The following EFNB1 variants were observed in gnomAD, a reference collection of about 807,000 sequenced individuals.
EFNB1 encodes ephrin-B1.
In EFNB1, 1 loss-of-function variant was observed where a neutral mutation model predicts 18.1. The ratio of observed to expected loss-of-function variants is 0.06; its 90% CI spans 0.02 to 0.26. The LOEUF is 0.26. Among genes scored for constraint, EFNB1 ranks in the 10% least tolerant of loss-of-function variants. The probability of loss-of-function intolerance (pLI) is 1.00; values close to 1 mark genes in which losing one functional copy is unlikely to be tolerated. For missense variants in EFNB1, 221 were observed against 301.8 expected, an observed-to-expected ratio of 0.73 and a Z score of 1.98; for synonymous variants, 131 against 127.5, an observed-to-expected ratio of 1.03 and a Z score of -0.19.
chrX:68,832,626 G>A (rs1306907539), intron 1 of EFNB1, among the ~76,000 whole-genome samples: 2 of 111,775 alleles, frequency 1.8e-5, no homozygotes, highest in Non-Finnish European at 3.8e-5. Context: ...GGGGAAGCGG[G>A]AATGGCTGGC....
At chrX:68,837,644 A>G (rs1173910012) in intron 1 of EFNB1, among the ~76,000 whole-genome samples, 1 of 111,337 alleles carries the variant, frequency 9.0e-6, no homozygotes, top group African/African-American at 3.3e-5. Flanking sequence ...TGGGCTGCTG[A>G]CCCTCCCTGC....
chrX:68,834,782 C>T lies in EFNB1; in HGVS notation c.129-3835C>T, dbSNP rs773464864. Among the ~76,000 whole-genome samples, 6 of 112,451 alleles carry T rather than the reference C, an allele frequency of 5.3e-5. 1 individual carries two copies. Among genetic ancestry groups the T allele is most frequent in the African/African-American group, 1.9e-4 (6 of 30,942 alleles). On this transcript the variant is annotated intron_variant, in intron 1 of 4. Coordinates refer to ENST00000204961, the MANE Select transcript of EFNB1 (RefSeq NM_004429.5). ...GCTTGCATGGCCTAGAACCAGGCTC[C>T]CCCTTTGGTCATTCTCTGACCACAA...
At position 68,840,858 on chromosome X, in the gene EFNB1, C is replaced by CT; in HGVS notation, c.*206dup. The CT allele has an allele frequency of 2.1e-6, 1 of 466,125 alleles. No homozygotes were observed. The highest frequency in any genetic ancestry group is 3.7e-6 in the Non-Finnish European group (1 of 273,073). The allele number at this position is 466,125 out of a possible 1,213,427, so 38.4% of individuals were successfully genotyped here. A position where few individuals can be genotyped will look rare whatever the true frequency, so the allele number is the denominator to read the frequency against. On this transcript the variant is annotated 3_prime_UTR_variant, in exon 5 of 5. Transcript: ENST00000204961. ...GCCCCTAACCCCCATGCTCTTGTGC[C>CT]TTCCCCCTCTGGCCAGGCCTCTGGG...
Position 68,841,739 on chromosome X carries a change from C to G in EFNB1, c.*1085C>G, listed in dbSNP as rs969826458. The G allele has an allele frequency of 1.8e-5, 2 of 113,811 alleles. No individual in the cohort carries two copies. The highest frequency in any genetic ancestry group is 6.4e-5 in the African/African-American group (2 of 31,245). The allele number at this position is 113,811 out of a possible 1,213,427, so 9.4% of individuals were successfully genotyped here. A position where few individuals can be genotyped will look rare whatever the true frequency, so the allele number is the denominator to read the frequency against. On this transcript the variant is annotated 3_prime_UTR_variant, in exon 5 of 5. Transcript: ENST00000204961. ...CACCCAACCCAGCTCCTGCTGCTGT[C>G]CCAGTCTTGGGCTGGGGCCTGGAAA...
chrX:68,832,366 G>A (rs1290217560), intron 1 of EFNB1, among the ~76,000 whole-genome samples: 1 of 110,032 alleles, frequency 9.1e-6, no homozygotes, highest in Admixed American at 9.7e-5. Flanking sequence ...GCACATGCCC[G>A]TGCTCTCCCT....
At position 68,829,647 on chromosome X, in the gene EFNB1, C is replaced by G. The variant is rs1194565880; in HGVS notation, c.-130C>G. The G allele has an allele frequency of 2.8e-6, 3 of 1,059,309 alleles. No homozygotes were observed. The highest frequency in any genetic ancestry group is 3.8e-6 in the Non-Finnish European group (3 of 788,079). The allele number at this position is 1,059,309 out of a possible 1,213,427, so 87.3% of individuals were successfully genotyped here. ...GACACCGAAGCCGGCGGGAGGGGAG[C>G]ACTTCAAGGCCGGCGGCTGCGGAGG... On this transcript the variant is annotated 5_prime_UTR_variant, in exon 1 of 5. Coordinates refer to ENST00000204961, the MANE Select transcript of EFNB1 (RefSeq NM_004429.5).
At chrX:68,839,621 C>G (rs767489211) in intron 2 of EFNB1, 43 bp from the exon 3 acceptor site, 7 of 1,167,458 alleles carry the variant, frequency 6.0e-6, no homozygotes, top group Non-Finnish European at 7.0e-6. Context: ...GTAGACCTTT[C>G]TCTCCTCCTG....
chrX:68,833,519 T>C, intron 1 of EFNB1, among the ~76,000 whole-genome samples: 1 of 111,646 alleles, frequency 9.0e-6, no homozygotes, highest in Non-Finnish European at 1.9e-5. Context: ...TGCATCACTG[T>C]TTTCTGGGGT....
In EFNB1 at chrX:68,840,079, G is replaced by A. The variant is rs754048678; in HGVS notation, c.619G>A (p.Gly207Ser). 1 of 1,210,549 alleles carries A rather than the reference G, an allele frequency of 8.3e-7. No individual in the cohort carries two copies. Among genetic ancestry groups the A allele is most frequent in the South Asian group, 1.8e-5 (1 of 56,811 alleles). The change falls in exon 4 of 5, where the codon GGC (glycine) becomes AGC (serine). Residue 207 changes from glycine to serine, a missense_variant. By Grantham distance (56) the Gly-to-Ser change is moderately conservative (BLOSUM62 0). Transcript: ENST00000204961. ...GSRGSLGDSD[G>S]KHETVNQEEK... ...TCGGGGCTCCCTGGGTGACTCTGAT[G>A]GCAAGCATGGTAAGTGTATGTGTTT... is the stretch of plus-strand genomic sequence containing the variant.
chrX:68,829,542 G>A lies in EFNB1; in HGVS notation c.-235G>A, dbSNP rs1569396379. The A allele has an allele frequency of 2.2e-6, 1 of 460,917 alleles. No individual in the cohort carries two copies. Among genetic ancestry groups the A allele is most frequent in the East Asian group, 4.0e-5 (1 of 25,113 alleles). 38.0% of individuals were successfully genotyped at this position (460,917 alleles called of 1,213,427 possible). Reference sequence around the variant, plus strand: ...GGCAGCGGAGAGCCCAGGAGAACGAGCCCTCGGGGGCCGAAGCCCATGCCC... The same window carrying A: ...GGCAGCGGAGAGCCCAGGAGAACGAACCCTCGGGGGCCGAAGCCCATGCCC... On this transcript the variant is annotated 5_prime_UTR_variant, in exon 1 of 5. Coordinates refer to ENST00000204961, the MANE Select transcript of EFNB1 (RefSeq NM_004429.5).
At chrX:68,835,515 C>T (rs1481980467) in intron 1 of EFNB1, among the ~76,000 whole-genome samples, 1 of 111,614 alleles carries the variant, frequency 9.0e-6, no homozygotes, top group African/African-American at 3.3e-5. Flanking sequence ...TTCACTCTCA[C>T]TGGCTATACA....
intron 1 of EFNB1, among the ~76,000 whole-genome samples, chrX:68,838,380 AC>A (rs2080467743): frequency 9.0e-6 from 1 of 111,410 alleles, no homozygotes; most frequent in Non-Finnish European, 1.9e-5. Flanking sequence ...GCAGTGCTCC[AC>A]CCTGCCGAGC....
At chrX:68,838,162 TGTGTGTGTGTGCGCGC>T (rs749889475) in intron 1 of EFNB1, among the ~76,000 whole-genome samples, 10,253 of 59,440 alleles carry the variant, frequency 0.17, 526 homozygotes, top group Non-Finnish European at 0.21. Flanking sequence ...TGTGTGTGTG[TGTGTGTGTGTGCGCGC>T]GCGCGCGCGC....
intron 1 of EFNB1, among the ~76,000 whole-genome samples, chrX:68,832,426 GTCTC>G (rs1458176295): frequency 2.7e-5 from 3 of 109,845 alleles, no homozygotes; most frequent in Non-Finnish European, 3.8e-5. Flanking sequence ...CTGGCTTTTG[GTCTC>G]TCTCCTCAGC....
rs1449673263 is a variant in EFNB1 at position 68,829,068 on chromosome X, C to G, written c.-709C>G. ...AGGTTTGTGAGGCTCGCACTGGCCG[C>G]AGACCCTCGGGCTCGATCGCCCGGG... On this transcript the variant is annotated 5_prime_UTR_variant, in exon 1 of 5. Coordinates refer to ENST00000204961, the MANE Select transcript of EFNB1 (RefSeq NM_004429.5). 1 of 114,938 alleles carries G rather than the reference C, an allele frequency of 8.7e-6. No individual in the cohort carries two copies. Among genetic ancestry groups the G allele is most frequent in the African/African-American group, 3.2e-5 (1 of 31,143 alleles). 9.5% of individuals were successfully genotyped at this position (114,938 alleles called of 1,213,427 possible).
intron 1 of EFNB1, among the ~76,000 whole-genome samples, chrX:68,834,180 C>A (rs2080454545): frequency 8.9e-6 from 1 of 112,191 alleles, no homozygotes; most frequent in Admixed American, 9.4e-5. Context: ...CTTTTCTAGG[C>A]CTACCTTCCA....
chrX:68,837,651 C>T (rs2080464056), intron 1 of EFNB1, among the ~76,000 whole-genome samples: 1 of 112,197 alleles, frequency 8.9e-6, no homozygotes, highest in Non-Finnish European at 1.9e-5. Flanking sequence ...CTGACCCTCC[C>T]TGCTGTCCCC....
Position 68,829,765 on chromosome X carries a change from GC to G in EFNB1, c.-7del, listed in dbSNP as rs778220067. 7.6e-6 allele frequency: 9 copies of G among 1,186,219 alleles called. No homozygotes were observed. The highest frequency in any genetic ancestry group is 9.1e-6 in the Non-Finnish European group (8 of 882,976). ...GCCAAGGGATCCCGAAGTGCAGTCTGCCCCCGGGAAGATGGCTCGGCCTGGG... is the reference window on the plus strand; with the variant it reads ...GCCAAGGGATCCCGAAGTGCAGTCTGCCCCGGGAAGATGGCTCGGCCTGGG... On this transcript the variant is annotated 5_prime_UTR_variant, in exon 1 of 5. Coordinates refer to ENST00000204961, the MANE Select transcript of EFNB1 (RefSeq NM_004429.5).
At chrX:68,840,125 G>T (rs759040680) in intron 4 of EFNB1, 37 bp downstream of exon 4, 7 of 1,210,031 alleles carry the variant, frequency 5.8e-6, no homozygotes, top group East Asian at 5.9e-5. Context: ...AGGAGCCATT[G>T]CTCTGTCACC....
Sources: allele counts gnomAD v4.1 joint callset (sites outside exome capture counted in the v4.1 genomes callset), GRCh38; gene constraint gnomAD v4.1.1; transcripts MANE v1.5; gene names NCBI Gene and HGNC (gene_info 2026-07-23, HGNC 2026-07-21).